The following PREX2 variants were observed in gnomAD, a reference collection of about 807,000 sequenced individuals.
PREX2 encodes phosphatidylinositol-3,4,5-trisphosphate dependent Rac exchange factor 2.
Under a neutral mutation model 203.2 loss-of-function variants are expected in PREX2, and 107 were observed. The ratio of observed to expected loss-of-function variants is 0.53; its 90% CI spans 0.45 to 0.62. The LOEUF (loss-of-function observed/expected upper bound fraction) is 0.62. Ranked by LOEUF, PREX2 falls within the 20% of genes least tolerant of loss-of-function variation. The pLI is 0.00. For missense variants in PREX2, 1,777 were observed against 1,955.9 expected, an observed-to-expected ratio of 0.91 and a Z score of 1.72; for synonymous variants, 672 against 663.6, an observed-to-expected ratio of 1.01 and a Z score of -0.19.
intron 39 of PREX2, among the ~76,000 whole-genome samples, chr8:68,229,560 C>T (rs541431305): frequency 6.6e-6 from 1 of 152,204 alleles, no homozygotes; most frequent in Non-Finnish European, 1.5e-5. Flanking sequence ...TGCCCAGTTC[C>T]ACAATACCCA....
At chr8:68,220,240 TAA>T (rs1812928656) in intron 38 of PREX2, 1 of 152,110 alleles carries the variant, frequency 6.6e-6, no homozygotes, top group South Asian at 2.1e-4. Context: ...GAAGGAAAGA[TAA>T]AAGACAGAAG....
At chr8:67,995,889 T>C (rs987920658) in intron 1 of PREX2, among the ~76,000 whole-genome samples, 1 of 152,214 alleles carries the variant, frequency 6.6e-6, no homozygotes, top group Admixed American at 6.5e-5. Context: ...TATGTTTAAC[T>C]TTATGAGAAA....
At chr8:68,170,431 C>T (rs528486890) in intron 35 of PREX2, among the ~76,000 whole-genome samples, 1 of 152,342 alleles carries the variant, frequency 6.6e-6, no homozygotes, top group African/African-American at 2.4e-5. Flanking sequence ...ACCATTTTCC[C>T]CCGGTCTCCT....
In PREX2 at chr8:68,019,026, C is replaced by G. The variant is rs190623525; in HGVS notation, c.214-523C>G. Among the ~76,000 whole-genome samples, 350 of 152,290 alleles carry G rather than the reference C, an allele frequency of 2.3e-3. 2 individuals carry two copies. In the South Asian group the frequency reaches 0.024, roughly 10 times the overall value. ...TGGCTCACATATCAGGGACTCCAGA[C>G]AGAGGAGAAGGTTTAGCACCTGTGA... is the stretch of plus-strand genomic sequence containing the variant. On this transcript the variant is annotated intron_variant, in intron 2 of 39. Transcript: ENST00000288368.
intron 1 of PREX2, among the ~76,000 whole-genome samples, chr8:67,953,518 G>T (rs1488018047): frequency 6.6e-6 from 1 of 152,066 alleles, no homozygotes; most frequent in African/African-American, 2.4e-5. Context: ...TAGTTTTTGT[G>T]ATCTCATCCA....
At position 68,115,779 on chromosome 8, in the gene PREX2, C is replaced by T; in HGVS notation, c.3173C>T (p.Pro1058Leu). Residue 1058 changes from proline (P) to leucine (L), a missense_variant, in exon 26 of 40, where the codon CCT becomes CTT. Transcript: ENST00000288368. ...CTTCTGTCTTCAATAACATATTCTC[C>T]TAAATTAGAACGTAAGACATCAGAG... is the stretch of plus-strand genomic sequence containing the variant. ...DDLLSSITYSPKLERKTSEGI... is the reference protein window; with the variant it reads ...DDLLSSITYSLKLERKTSEGI... 12 of 1,608,832 alleles carry T rather than the reference C, an allele frequency of 7.5e-6. No individual in the cohort carries two copies. Among genetic ancestry groups the T allele is most frequent in the Non-Finnish European group, 1.0e-5 (12 of 1,178,460 alleles).
chr8:68,224,604 C>A lies in PREX2; in HGVS notation c.4753C>A (p.Arg1585=), dbSNP rs780008732. The change falls in exon 39 of 40, where the codon CGG becomes AGG. Residue 1585 remains arginine, a synonymous_variant. Transcript: ENST00000288368. ...AGCGAAGAATTTGGGAGTCAGAGAC[C>A]GGACTCCACAGTCTGCACCAAGGTA... The part of the protein sequence containing the change: ...NTAKNLGVRD[R]TPQSAPRLYK... The A allele has an allele frequency of 3.1e-6, 5 of 1,613,470 alleles. No individual in the cohort carries two copies. Among genetic ancestry groups the A allele is most frequent in the Non-Finnish European group, 4.2e-6 (5 of 1,179,690 alleles).
At chr8:68,038,054 C>T (rs6986739) in intron 6 of PREX2, 105 bp from the exon 7 acceptor site, 1 of 1,258,612 alleles carries the variant, frequency 7.9e-7, no homozygotes, top group Non-Finnish European at 1.1e-6. Context: ...CTGTGCATAG[C>T]TTGCTTCTTA....
At chr8:68,229,617 A>G (rs965400819) in intron 39 of PREX2, among the ~76,000 whole-genome samples, 7 of 152,238 alleles carry the variant, frequency 4.6e-5, no homozygotes, top group Admixed American at 6.5e-5. Context: ...CTTTTCTTCA[A>G]TTTGCAAGGC....
At chr8:68,196,232 C>T (rs912454600) in intron 37 of PREX2, among the ~76,000 whole-genome samples, 1 of 151,312 alleles carries the variant, frequency 6.6e-6, no homozygotes, top group African/African-American at 2.4e-5. Context: ...TTGAGTTGAT[C>T]AGATTTTTGC....
At chr8:68,220,862 C>G (rs1812939672) in intron 38 of PREX2, among the ~76,000 whole-genome samples, 1 of 152,106 alleles carries the variant, frequency 6.6e-6, no homozygotes, top group Non-Finnish European at 1.5e-5. Flanking sequence ...AAGCACAGAA[C>G]AAGTTTTTGT....
At chr8:68,098,790 G>T (rs1810164930) in intron 22 of PREX2, among the ~76,000 whole-genome samples, 1 of 151,804 alleles carries the variant, frequency 6.6e-6, no homozygotes, top group Non-Finnish European at 1.5e-5. Context: ...TCCATAGTCT[G>T]CATAAAAGGG....
chr8:68,095,108 G>T (rs1383939171), intron 21 of PREX2: 2 of 152,214 alleles, frequency 1.3e-5, no homozygotes, highest in Non-Finnish European at 2.9e-5. Context: ...GAGGGGTTGG[G>T]GTGTGCCACC....
intron 11 of PREX2, among the ~76,000 whole-genome samples, chr8:68,062,776 G>A (rs1281994144): frequency 6.6e-6 from 1 of 151,144 alleles, no homozygotes; most frequent in African/African-American, 2.4e-5. Context: ...CTTTCTTCAT[G>A]TATTTATCAC....
chr8:68,234,957 A>C lies in PREX2; in HGVS notation c.*3579A>C, dbSNP rs996762541. On this transcript the variant is annotated 3_prime_UTR_variant, in exon 40 of 40. Coordinates refer to ENST00000288368, the MANE Select transcript of PREX2 (RefSeq NM_024870.4). The stretch of plus-strand genomic sequence containing the variant: ...TGAGAGCCAAAAAAATGAATGGGTA[A>C]ACAAAGCCTAAGGGTCATGTTAATT... 6.6e-6 allele frequency: 1 copy of C among 152,150 alleles called. No individual in the cohort carries two copies. Among genetic ancestry groups the C allele is most frequent in the African/African-American group, 2.4e-5 (1 of 41,452 alleles). The allele number at this position is 152,150 out of a possible 1,614,324, so 9.4% of individuals were successfully genotyped here. A position where few individuals can be genotyped will look rare whatever the true frequency, so the allele number is the denominator to read the frequency against.
intron 24 of PREX2, 75 bp from the exon 25 acceptor site, chr8:68,109,336 TAAATG>T (rs1480380894): frequency 2.9e-6 from 3 of 1,021,416 alleles, no homozygotes; most frequent in East Asian, 2.6e-5. Context: ...AATTAAAAAA[TAAATG>T]AAATTAATTG....
chr8:68,115,249 A>T (rs1329906925), intron 25 of PREX2, among the ~76,000 whole-genome samples: 1 of 151,988 alleles, frequency 6.6e-6, no homozygotes, highest in Non-Finnish European at 1.5e-5. Context: ...GCTGGTCTCG[A>T]ACTTCCGACC....
intron 1 of PREX2, among the ~76,000 whole-genome samples, chr8:68,017,626 T>C (rs1186225778): frequency 6.6e-6 from 1 of 152,198 alleles, no homozygotes; most frequent in Non-Finnish European, 1.5e-5. Flanking sequence ...TTACATATAC[T>C]TGATGATTTC....
intron 6 of PREX2, among the ~76,000 whole-genome samples, chr8:68,036,341 T>C (rs1808030037): frequency 6.6e-6 from 1 of 152,154 alleles, no homozygotes. Context: ...AGTCAGGAAA[T>C]GTTTTGTTAA....
Sources: gnomAD v4.1 joint callset for allele counts (sites outside exome capture counted in the v4.1 genomes callset) on GRCh38, gnomAD v4.1.1 for gene constraint, MANE v1.5 for transcripts, NCBI Gene and HGNC (gene_info 2026-07-23, HGNC 2026-07-21) for gene names.